Variants in NUMB observed in about 807,000 individuals in gnomAD.
The protein encoded by NUMB is protein numb homolog.
A neutral mutation model predicts 59.7 loss-of-function variants in NUMB; 29 were observed. That is an observed-to-expected ratio of 0.49 (90% CI 0.36 to 0.66). The LOEUF (loss-of-function observed/expected upper bound fraction) is 0.66. Among genes scored for constraint, NUMB ranks in the 30% least tolerant of loss-of-function variants. The probability of loss-of-function intolerance (pLI) is 0.00; values close to 1 mark genes in which losing one functional copy is unlikely to be tolerated. For missense variants in NUMB, 723 were observed against 822.0 expected, an observed-to-expected ratio of 0.88 and a Z score of 1.47; for synonymous variants, 288 against 288.2, an observed-to-expected ratio of 1.00 and a Z score of 0.01.
At chr14:73,329,258 T>C (rs949466414) in intron 4 of NUMB, among the ~76,000 whole-genome samples, 1 of 152,252 alleles carries the variant, frequency 6.6e-6, no homozygotes, top group African/African-American at 2.4e-5. Context: ...TTTGGTATTA[T>C]AGCTAAGCAA....
At chr14:73,434,455 G>A (rs969571985) in intron 1 of NUMB, among the ~76,000 whole-genome samples, 3 of 152,130 alleles carry the variant, frequency 2.0e-5, no homozygotes, top group African/African-American at 4.8e-5. Context: ...ATTATTATCC[G>A]ATACTTTACT....
chr14:73,420,745 G>A (rs1474053214), intron 1 of NUMB, among the ~76,000 whole-genome samples: 2 of 152,098 alleles, frequency 1.3e-5, no homozygotes, highest in Non-Finnish European at 2.9e-5. Flanking sequence ...GCTTGAATCT[G>A]GGAGGTAGAG....
At position 73,352,451 on chromosome 14, in the gene NUMB, C is replaced by CAT. The variant is rs1566755826; in HGVS notation, c.126+3174_126+3175insAT. 8.6e-3 allele frequency among the ~76,000 whole-genome samples: 286 copies of CAT among 33,408 alleles called. 11 individuals are homozygous for CAT. Among genetic ancestry groups the CAT allele is most frequent in the African/African-American group, 0.045 (278 of 6,176 alleles). The allele number at this position is 33,408 out of a possible 152,430, so 21.9% of individuals were successfully genotyped here. On this transcript the variant is annotated intron_variant, in intron 4 of 12. Coordinates refer to ENST00000555238, the MANE Select transcript of NUMB (RefSeq NM_001005743.2). ...ATATATATACACACACACACACACA[C>CAT]ACACACATACACACACACACACACA... is the stretch of plus-strand genomic sequence containing the variant.
intron 2 of NUMB, among the ~76,000 whole-genome samples, chr14:73,388,302 A>G (rs182886952): frequency 7.6e-4 from 115 of 152,308 alleles, no homozygotes; most frequent in Middle Eastern, 3.4e-3. Flanking sequence ...GAATGGACTA[A>G]TACATTAAGA....
chr14:73,276,437 T>G lies in NUMB; in HGVS notation c.*141A>C, dbSNP rs1355040313. ...CTTTCAAAATCACCCCTCACAGTAC[T>G]CTGGGCCTGGACTTGTTCCTTGGGA... On this transcript the variant is annotated 3_prime_UTR_variant, in exon 13 of 13. Coordinates refer to ENST00000555238, the MANE Select transcript of NUMB (RefSeq NM_001005743.2). The G allele has an allele frequency of 1.5e-6, 1 of 652,650 alleles. No homozygotes were observed. Among genetic ancestry groups the G allele is most frequent in the Non-Finnish European group, 2.6e-6 (1 of 384,408 alleles). 40.4% of individuals were successfully genotyped at this position (652,650 alleles called of 1,614,324 possible). A position where few individuals can be genotyped will look rare whatever the true frequency, so the allele number is the denominator to read the frequency against.
chr14:73,307,363 G>C (rs1890503286), intron 6 of NUMB, among the ~76,000 whole-genome samples: 1 of 151,816 alleles, frequency 6.6e-6, no homozygotes, highest in Non-Finnish European at 1.5e-5. Flanking sequence ...GTCTGGGGGA[G>C]AGTGGTGTTT....
intron 6 of NUMB, among the ~76,000 whole-genome samples, chr14:73,302,155 G>A (rs1227691710): frequency 1.3e-5 from 2 of 152,140 alleles, no homozygotes; most frequent in Non-Finnish European, 2.9e-5. Context: ...TTGTACTAAT[G>A]TATCAGTAAG....
At chr14:73,319,833 AT>A (rs984343989) in intron 5 of NUMB, among the ~76,000 whole-genome samples, 3 of 152,130 alleles carry the variant, frequency 2.0e-5, no homozygotes, top group African/African-American at 7.2e-5. Flanking sequence ...TAGAAAGAGT[AT>A]TTAAAAGAAA....
chr14:73,385,344 C>T (rs376860170), intron 2 of NUMB, among the ~76,000 whole-genome samples: 184 of 134,964 alleles, frequency 1.4e-3, no homozygotes, highest in East Asian at 3.4e-3. Flanking sequence ...GACAGAGTCT[C>T]GCTTTGTTGC....
chr14:73,453,559 T>G (rs529188901), intron 1 of NUMB, among the ~76,000 whole-genome samples: 1 of 152,178 alleles, frequency 6.6e-6, no homozygotes, highest in African/African-American at 2.4e-5. Context: ...ATTGTATTTC[T>G]ACCTCTTATA....
At chr14:73,419,175 C>G (rs1472631213) in intron 1 of NUMB, among the ~76,000 whole-genome samples, 1 of 151,900 alleles carries the variant, frequency 6.6e-6, no homozygotes, top group Admixed American at 6.6e-5. Flanking sequence ...TTCTCTTTGG[C>G]AAAAATTTCA....
In NUMB at chr14:73,276,527, AC is replaced by A; in HGVS notation, c.*50del. The A allele has an allele frequency of 1.4e-6, 2 of 1,448,918 alleles. No homozygotes were observed. Among genetic ancestry groups the A allele is most frequent in the Non-Finnish European group, 1.9e-6 (2 of 1,051,290 alleles). 89.8% of individuals were successfully genotyped at this position (1,448,918 alleles called of 1,614,324 possible). ...AGTCTGTTTTGCTCCTTTGACCGCT[AC>A]CCCCTGCTCCCTGTCTGGTATGGAC... is the stretch of plus-strand genomic sequence containing the variant. On this transcript the variant is annotated 3_prime_UTR_variant, in exon 13 of 13. Transcript: ENST00000555238.
chr14:73,371,939 AGAG>A (rs200999254), intron 2 of NUMB, among the ~76,000 whole-genome samples: 2,251 of 152,148 alleles, frequency 0.015, 52 homozygotes, highest in African/African-American at 0.048. Flanking sequence ...GGGTTAAGAA[AGAG>A]GAGAAGTGAC....
At chr14:73,395,958 A>G (rs1237795499) in intron 2 of NUMB, among the ~76,000 whole-genome samples, 1 of 152,370 alleles carries the variant, frequency 6.6e-6, no homozygotes, top group Middle Eastern at 3.4e-3. Flanking sequence ...TCTTCTATAT[A>G]TGGAAAATAA....
At chr14:73,388,434 TA>T (rs1286325906) in intron 2 of NUMB, among the ~76,000 whole-genome samples, 1 of 152,220 alleles carries the variant, frequency 6.6e-6, no homozygotes, top group African/African-American at 2.4e-5. Flanking sequence ...TTTAAACTTT[TA>T]ATGATTGTAT....
At chr14:73,354,912 A>G (rs936403083) in intron 4 of NUMB, among the ~76,000 whole-genome samples, 1 of 151,352 alleles carries the variant, frequency 6.6e-6, no homozygotes, top group Non-Finnish European at 1.5e-5. Context: ...CCTTTAAGAT[A>G]TTAACATTTG....
At chr14:73,458,365 C>CGGCCCCGGCCCG (rs1324888716) in intron 1 of NUMB, 128 bp downstream of exon 1, 5 of 153,248 alleles carry the variant, frequency 3.3e-5, no homozygotes, top group African/African-American at 1.2e-4. Context: ...GCCCTGGCCC[C>CGGCCCCGGCCCG]GGCCCCGGCC....
At chr14:73,289,733 A>G (rs2139823701) in intron 8 of NUMB, among the ~76,000 whole-genome samples, 1 of 152,360 alleles carries the variant, frequency 6.6e-6, no homozygotes, top group East Asian at 1.9e-4. Context: ...ATGAATCCAC[A>G]TGAGTTTCCA....
intron 2 of NUMB, among the ~76,000 whole-genome samples, chr14:73,368,175 C>T (rs976247190): frequency 2.6e-5 from 4 of 152,086 alleles, no homozygotes; most frequent in South Asian, 4.2e-4. Flanking sequence ...CTTTCAAAAA[C>T]GGAAAGTGGT....
Sources: gnomAD v4.1 joint callset for allele counts (sites outside exome capture counted in the v4.1 genomes callset) on GRCh38, gnomAD v4.1.1 for gene constraint, MANE v1.5 for transcripts, NCBI Gene and HGNC (gene_info 2026-07-23, HGNC 2026-07-21) for gene names.